PTK2: variants seen among roughly 807,000 people sequenced by gnomAD.
PTK2 encodes the protein focal adhesion kinase 1.
Under a neutral mutation model 150.1 loss-of-function variants are expected in PTK2, and 45 were observed. That is an observed-to-expected ratio of 0.30 (90% CI 0.24 to 0.38). The LOEUF is 0.38. Ranked by LOEUF, PTK2 falls within the 10% of genes least tolerant of loss-of-function variation. The pLI, the probability that PTK2 is intolerant of heterozygous loss-of-function variation, is 1.00. For synonymous variants in PTK2, 432 were observed against 449.2 expected, an observed-to-expected ratio of 0.96 and a Z score of 0.48; for missense variants, 919 against 1,307.3, an observed-to-expected ratio of 0.70 and a Z score of 4.58.
chr8:140,986,039 C>T (rs1053754074), intron 1 of PTK2, among the ~76,000 whole-genome samples: 13 of 152,196 alleles, frequency 8.5e-5, no homozygotes, highest in African/African-American at 2.9e-4. Flanking sequence ...TGCAGATCCA[C>T]GTACCAGTGC....
At chr8:140,801,891 T>C (rs1371935264) in intron 11 of PTK2, among the ~76,000 whole-genome samples, 1 of 152,116 alleles carries the variant, frequency 6.6e-6, no homozygotes, top group Non-Finnish European at 1.5e-5. Context: ...TTGCTAGGTA[T>C]GCCGTAGCCA....
chr8:140,733,759 C>G (rs2100050926), intron 22 of PTK2, among the ~76,000 whole-genome samples: 1 of 152,154 alleles, frequency 6.6e-6, no homozygotes, highest in Admixed American at 6.5e-5. Context: ...CCCTGAAGGC[C>G]TATCGTGTGA....
intron 26 of PTK2, among the ~76,000 whole-genome samples, chr8:140,695,005 T>C (rs192336094): frequency 1.8e-4 from 28 of 152,314 alleles, no homozygotes; most frequent in African/African-American, 6.5e-4. Flanking sequence ...TCTAAAAATC[T>C]GCATCTCCAG....
intron 29 of PTK2, among the ~76,000 whole-genome samples, chr8:140,672,929 C>A (rs754898240): frequency 1.3e-5 from 2 of 152,150 alleles, no homozygotes; most frequent in Admixed American, 6.5e-5. Flanking sequence ...AGAAATGATA[C>A]CACCACCAGT....
chr8:140,886,901 T>C (rs1424000885), intron 3 of PTK2, among the ~76,000 whole-genome samples: 2 of 152,212 alleles, frequency 1.3e-5, no homozygotes, highest in South Asian at 2.1e-4. Flanking sequence ...TGTCATTATT[T>C]TTCTGAATTA....
At chr8:140,901,969 C>A (rs1340442849) in intron 2 of PTK2, among the ~76,000 whole-genome samples, 1 of 151,912 alleles carries the variant, frequency 6.6e-6, no homozygotes, top group Non-Finnish European at 1.5e-5. Context: ...CATCCACGTC[C>A]CTGCAAAGGA....
At chr8:140,914,634 G>GT (rs1568784001) in intron 2 of PTK2, among the ~76,000 whole-genome samples, 3 of 151,718 alleles carry the variant, frequency 2.0e-5, no homozygotes, top group Non-Finnish European at 2.9e-5. Context: ...TAGAACAAGT[G>GT]TTTTTTTAAT....
At chr8:140,700,344 T>C (rs891504812) in intron 26 of PTK2, among the ~76,000 whole-genome samples, 3 of 152,070 alleles carry the variant, frequency 2.0e-5, no homozygotes, top group African/African-American at 7.2e-5. Context: ...ATTTTTTTTT[T>C]TATTTTTTGT....
intron 8 of PTK2, among the ~76,000 whole-genome samples, chr8:140,827,110 A>G (rs1459761178): frequency 6.6e-6 from 1 of 152,044 alleles, no homozygotes; most frequent in Non-Finnish European, 1.5e-5. Flanking sequence ...AGAATCCAAA[A>G]AGAGATCATA....
At chr8:140,809,173 TAAAAG>T (rs948278899) in intron 10 of PTK2, among the ~76,000 whole-genome samples, 10 of 152,140 alleles carry the variant, frequency 6.6e-5, no homozygotes, top group Admixed American at 6.5e-4. Context: ...AAGATGCACT[TAAAAG>T]GGAAGAGCAC....
At chr8:140,991,112 T>C (rs556022030) in intron 1 of PTK2, among the ~76,000 whole-genome samples, 193 of 152,308 alleles carry the variant, frequency 1.3e-3, no homozygotes, top group Admixed American at 2.5e-3. Context: ...TTGTGGACTG[T>C]CTAATTTTTA....
intron 5 of PTK2, among the ~76,000 whole-genome samples, chr8:140,853,490 T>C (rs1178788153): frequency 6.6e-6 from 1 of 151,864 alleles, no homozygotes; most frequent in Non-Finnish European, 1.5e-5. Flanking sequence ...GGTTTCCAGC[T>C]TCATCCATGT....
intron 13 of PTK2, among the ~76,000 whole-genome samples, chr8:140,790,143 A>T (rs1401199036): frequency 6.6e-6 from 1 of 152,236 alleles, no homozygotes; most frequent in East Asian, 1.9e-4. Flanking sequence ...TTGGTAAAAA[A>T]CTTTTGGAAA....
At position 140,674,471 on chromosome 8, in the gene PTK2, G is replaced by A. The variant is rs978891374; in HGVS notation, c.2603-67C>T. 8 of 1,387,950 alleles carry A rather than the reference G, an allele frequency of 5.8e-6. No homozygotes were observed. The African/African-American group carries it at 1.0e-4, about 17-fold the overall frequency. 86.0% of individuals were successfully genotyped at this position (1,387,950 alleles called of 1,614,324 possible). ...GAAAGATTAAGAGGCTGGGGGCAGT[G>A]GCTCATGCCTATAATCTCAGCACTT... On this transcript the variant is annotated intron_variant, in intron 28 of 31. Coordinates refer to ENST00000522684, the Ensembl canonical transcript of PTK2.
chr8:140,777,000 A>G (rs1227951668), intron 14 of PTK2, among the ~76,000 whole-genome samples: 1 of 152,190 alleles, frequency 6.6e-6, no homozygotes, highest in Non-Finnish European at 1.5e-5. Context: ...TAACTCACAT[A>G]AAGAGTTCTT....
In PTK2 at chr8:140,919,669, T is replaced by C. The variant is rs532914248; in HGVS notation, c.-33+5992A>G. On this transcript the variant is annotated intron_variant, in intron 2 of 31. Transcript: ENST00000522684. ...TGGCTCTGAACACTATTAGTCACAC[T>C]CACTTATACTATACATTTCTGATGC... Among the ~76,000 whole-genome samples the C allele has an allele frequency of 3.9e-5, 6 of 152,274 alleles. No individual in the cohort carries two copies. In the South Asian group the frequency reaches 1.2e-3, roughly 32 times the overall value.
intron 29 of PTK2, chr8:140,669,969 A>C (rs766951657): frequency 7.5e-6 from 4 of 532,350 alleles, no homozygotes; most frequent in Non-Finnish European, 1.3e-5. Flanking sequence ...TCTGCCATGC[A>C]CCATGCTCAG....
intron 7 of PTK2, among the ~76,000 whole-genome samples, chr8:140,837,956 G>A (rs911819288): frequency 2.6e-5 from 4 of 151,806 alleles, no homozygotes; most frequent in African/African-American, 9.7e-5. Flanking sequence ...CAGCTACTTA[G>A]GAGGCTGAGG....
chr8:140,976,503 T>C (rs930671900), intron 1 of PTK2, among the ~76,000 whole-genome samples: 6 of 152,184 alleles, frequency 3.9e-5, no homozygotes, highest in Non-Finnish European at 8.8e-5. Flanking sequence ...AACACAAAAT[T>C]AAACAGCTTA....
Sources: allele counts gnomAD v4.1 joint callset (sites outside exome capture counted in the v4.1 genomes callset), GRCh38; gene constraint gnomAD v4.1.1; transcripts MANE v1.5; gene names NCBI Gene and HGNC (gene_info 2026-07-23, HGNC 2026-07-21).